The following LARGE1 variants were observed in gnomAD, a reference collection of about 807,000 sequenced individuals.
LARGE1 encodes the protein xylosyl- and glucuronyltransferase LARGE1.
Under a neutral mutation model 87.6 loss-of-function variants are expected in LARGE1, and 43 were observed. The ratio of observed to expected loss-of-function variants is 0.49; its 90% CI spans 0.38 to 0.63. The LOEUF is 0.63. Ranked by LOEUF, LARGE1 falls within the 30% of genes least tolerant of loss-of-function variation. The pLI is 0.00. For missense variants in LARGE1, 802 were observed against 1,000.2 expected, an observed-to-expected ratio of 0.80 and a Z score of 2.67; for synonymous variants, 434 against 394.6, an observed-to-expected ratio of 1.10 and a Z score of -1.18.
At chr22:33,283,485 G>A in intron 12 of LARGE1, 137 bp from the exon 13 acceptor site, 1 of 940,592 alleles carries the variant, frequency 1.1e-6, no homozygotes, top group Non-Finnish European at 1.7e-6. Context: ...ATTAAAGATG[G>A]GGAAACTGGG....
intron 6 of LARGE1, among the ~76,000 whole-genome samples, chr22:33,526,125 G>T (rs916057957): frequency 1.2e-4 from 19 of 152,280 alleles, no homozygotes; most frequent in Admixed American, 1.0e-3. Flanking sequence ...ACAGACATAT[G>T]CTACAATATG....
At chr22:33,434,352 G>C (rs2067188432) in intron 6 of LARGE1, among the ~76,000 whole-genome samples, 1 of 152,186 alleles carries the variant, frequency 6.6e-6, no homozygotes, top group Non-Finnish European at 1.5e-5. Flanking sequence ...CCAGGCTGGA[G>C]TGCAGTGGCG....
At chr22:33,865,829 A>ATTTT (rs2064079507) in intron 1 of LARGE1, among the ~76,000 whole-genome samples, 2 of 32,982 alleles carry the variant, frequency 6.1e-5, no homozygotes, top group Non-Finnish European at 1.2e-4. Flanking sequence ...GTTAGCTGTT[A>ATTTT]TTCTTTTTTT....
intron 9 of LARGE1, among the ~76,000 whole-genome samples, chr22:33,354,286 T>C (rs1447780135): frequency 1.3e-5 from 2 of 152,316 alleles, no homozygotes; most frequent in African/African-American, 4.8e-5. Context: ...ATGTTACCTA[T>C]CAAAGCCCTC....
the LARGE1 span, among the ~76,000 whole-genome samples, chr22:33,088,143 AGTTG>A: frequency 1.3e-5 from 2 of 152,124 alleles, no homozygotes; most frequent in Admixed American, 6.6e-5. Flanking sequence ...ACCTAAATAT[AGTTG>A]CATCGTACTC....
intron 4 of LARGE1, among the ~76,000 whole-genome samples, chr22:33,618,822 T>C (rs7286166): frequency 2.6e-5 from 4 of 152,236 alleles, no homozygotes; most frequent in Admixed American, 1.3e-4. Flanking sequence ...GCCTTCCTGT[T>C]TGGTGTGATT....
chr22:33,741,056 T>C (rs150965013), intron 2 of LARGE1, among the ~76,000 whole-genome samples: 86 of 152,246 alleles, frequency 5.6e-4, no homozygotes, highest in African/African-American at 1.7e-3. Context: ...AGAAGGAAAA[T>C]TGCAAATGTG....
At chr22:33,196,340 C>A (rs137429) in intron 11 of LARGE1, among the ~76,000 whole-genome samples, 50,934 of 151,768 alleles carry the variant, frequency 0.34, 8,992 homozygotes, top group Non-Finnish European at 0.39. Flanking sequence ...CTGCAGACTT[C>A]AAAAGGGTAT....
At chr22:33,210,228 C>T (rs1292818685) in intron 11 of LARGE1, among the ~76,000 whole-genome samples, 1 of 152,270 alleles carries the variant, frequency 6.6e-6, no homozygotes. Context: ...CAGCCGCCCT[C>T]CCGGCCTCCA....
chr22:33,873,847 A>G (rs2064380599), intron 1 of LARGE1, among the ~76,000 whole-genome samples: 1 of 151,612 alleles, frequency 6.6e-6, no homozygotes, highest in South Asian at 2.1e-4. Flanking sequence ...ACAAGAAGCC[A>G]AGTACAAGTC....
intron 2 of LARGE1, among the ~76,000 whole-genome samples, chr22:33,726,732 G>A (rs933013741): frequency 1.3e-5 from 2 of 152,104 alleles, no homozygotes; most frequent in Non-Finnish European, 2.9e-5. Flanking sequence ...GCCCCAAGGT[G>A]GGCAATTTCC....
chr22:33,364,725 T>G (rs2064522439), intron 9 of LARGE1, among the ~76,000 whole-genome samples: 1 of 152,074 alleles, frequency 6.6e-6, no homozygotes, highest in Non-Finnish European at 1.5e-5. Context: ...ATGTCAGTTT[T>G]TTGTTTTGTT....
chr22:33,903,173 G>T (rs1163798343), intron 1 of LARGE1, among the ~76,000 whole-genome samples: 1 of 152,070 alleles, frequency 6.6e-6, no homozygotes, highest in Non-Finnish European at 1.5e-5. Context: ...AGGTCATTAG[G>T]GTGGGCCCTA....
At chr22:33,378,284 G>T (rs1228298444) in intron 9 of LARGE1, among the ~76,000 whole-genome samples, 2 of 152,080 alleles carry the variant, frequency 1.3e-5, no homozygotes, top group African/African-American at 4.8e-5. Flanking sequence ...ATGGGCATAG[G>T]CTTAAAATAA....
At chr22:33,438,001 C>T (rs2067333992) in intron 6 of LARGE1, among the ~76,000 whole-genome samples, 1 of 152,000 alleles carries the variant, frequency 6.6e-6, no homozygotes, top group South Asian at 2.1e-4. Flanking sequence ...GCAGCCAGGC[C>T]TCCCCAAAAG....
chr22:33,842,994 T>G (rs978147354), intron 1 of LARGE1, among the ~76,000 whole-genome samples: 10 of 152,112 alleles, frequency 6.6e-5, no homozygotes, highest in African/African-American at 2.4e-4. Context: ...ACAGGGCATC[T>G]GTTTTGTTCC....
intron 5 of LARGE1, among the ~76,000 whole-genome samples, chr22:33,595,768 C>T (rs944659923): frequency 1.3e-5 from 2 of 152,180 alleles, no homozygotes; most frequent in East Asian, 1.9e-4. Context: ...TGGCCATGCC[C>T]ATGCCAAAGG....
rs1326228711 is a variant in LARGE1, at chr22:33,369,758, G to A, written c.1131+12161C>T. On this transcript the variant is annotated intron_variant, in intron 9 of 14. Coordinates refer to ENST00000397394, the MANE Select transcript of LARGE1 (RefSeq NM_133642.5). ...TAATTTTTATATTTTTAGTAGAGAC[G>A]GGGTTTCACCATGTTGGCCAAGCTG... 3.9e-5 allele frequency among the ~76,000 whole-genome samples: 6 copies of A among 151,976 alleles called. No homozygotes were observed. The South Asian group carries it at 1.0e-3, about 26-fold the overall frequency.
intron 5 of LARGE1, among the ~76,000 whole-genome samples, chr22:33,574,446 G>A (rs564459394): frequency 6.6e-6 from 1 of 152,054 alleles, no homozygotes; most frequent in South Asian, 2.1e-4. Context: ...CAATATAGAT[G>A]CAACCATCTA....
Sources: allele counts gnomAD v4.1 joint callset (sites outside exome capture counted in the v4.1 genomes callset), GRCh38; gene constraint gnomAD v4.1.1; transcripts MANE v1.5; gene names NCBI Gene and HGNC (gene_info 2026-07-23, HGNC 2026-07-21).